The following BMAL2 variants were observed in gnomAD, a reference collection of about 807,000 sequenced individuals.
The protein encoded by BMAL2 is basic helix-loop-helix ARNT-like protein 2.
chr12:27,408,276 C>A, the BMAL2 span, among the ~76,000 whole-genome samples: 24 of 152,154 alleles, frequency 1.6e-4, no homozygotes, highest in African/African-American at 5.8e-4. Context: ...CATAGCCTGG[C>A]AGAGACACAA....
At chr12:27,378,566 C>G in the BMAL2 span, among the ~76,000 whole-genome samples, 1 of 152,080 alleles carries the variant, frequency 6.6e-6, no homozygotes. Flanking sequence ...TTGGAGCTGT[C>G]GGGGAAAGTC....
chr12:27,362,943 A>C, the BMAL2 span, among the ~76,000 whole-genome samples: 2 of 152,062 alleles, frequency 1.3e-5, no homozygotes, highest in Non-Finnish European at 2.9e-5. Flanking sequence ...AGCTAAGACT[A>C]TATGTGCACA....
At chr12:27,408,018 A>C in the BMAL2 span, among the ~76,000 whole-genome samples, 9 of 150,430 alleles carry the variant, frequency 6.0e-5, no homozygotes, top group African/African-American at 2.3e-4. Context: ...TTCCTGACAC[A>C]TACAGCCTCC....
chr12:27,396,683 G>T, the BMAL2 span, among the ~76,000 whole-genome samples: 1 of 152,230 alleles, frequency 6.6e-6, no homozygotes, highest in Non-Finnish European at 1.5e-5. Context: ...CTTGCACTCA[G>T]AGGCAAATAT....
the BMAL2 span, among the ~76,000 whole-genome samples, chr12:27,404,044 C>A: frequency 6.6e-6 from 1 of 151,462 alleles, no homozygotes; most frequent in Non-Finnish European, 1.5e-5. Flanking sequence ...CGCCTATAGT[C>A]CCAGCTACTT....
the BMAL2 span, among the ~76,000 whole-genome samples, chr12:27,395,801 C>T: frequency 6.6e-6 from 1 of 152,166 alleles, no homozygotes; most frequent in Non-Finnish European, 1.5e-5. Context: ...ACTAAAGGAA[C>T]AAATACATTT....
chr12:27,411,133 T>C, the BMAL2 span, among the ~76,000 whole-genome samples: 139 of 152,258 alleles, frequency 9.1e-4, no homozygotes, highest in African/African-American at 3.2e-3. Flanking sequence ...TGTGTTTTTT[T>C]AAATTTTCTT....
chr12:27,407,460 C>T, the BMAL2 span, among the ~76,000 whole-genome samples: 2 of 152,140 alleles, frequency 1.3e-5, no homozygotes, highest in African/African-American at 4.8e-5. Context: ...CACTCAACTA[C>T]ATGGAAACTG....
At chr12:27,389,624 T>A in the BMAL2 span, among the ~76,000 whole-genome samples, 1 of 152,194 alleles carries the variant, frequency 6.6e-6, no homozygotes, top group African/African-American at 2.4e-5. Flanking sequence ...ATTATTTAGC[T>A]ATATGCTAAA....
chr12:27,350,525 C>T, the BMAL2 span, among the ~76,000 whole-genome samples: 1 of 152,270 alleles, frequency 6.6e-6, no homozygotes, highest in East Asian at 1.9e-4. Flanking sequence ...GTATCTTTAG[C>T]AACACAAAGT....
At chr12:27,413,657 G>C in the BMAL2 span, among the ~76,000 whole-genome samples, 2 of 152,162 alleles carry the variant, frequency 1.3e-5, no homozygotes, top group Non-Finnish European at 2.9e-5. Flanking sequence ...TTTACTATCA[G>C]TAATTACATA....
chr12:27,379,235 C>A, the BMAL2 span, among the ~76,000 whole-genome samples: 4 of 152,062 alleles, frequency 2.6e-5, no homozygotes, highest in South Asian at 8.3e-4. Context: ...GGGGGTACAT[C>A]GCAGAGAATG....
At chr12:27,414,722 A>G in the BMAL2 span, among the ~76,000 whole-genome samples, 1 of 152,206 alleles carries the variant, frequency 6.6e-6, no homozygotes, top group Non-Finnish European at 1.5e-5. Context: ...TTACACCTCC[A>G]GAAACTAGAA....
At chr12:27,348,641 A>G in the BMAL2 span, among the ~76,000 whole-genome samples, 1 of 152,178 alleles carries the variant, frequency 6.6e-6, no homozygotes, top group African/African-American at 2.4e-5. Flanking sequence ...CTTTACATTT[A>G]GCTCATTCAT....
chr12:27,354,557 C>T, the BMAL2 span, among the ~76,000 whole-genome samples: 1 of 152,078 alleles, frequency 6.6e-6, no homozygotes, highest in Non-Finnish European at 1.5e-5. Flanking sequence ...GCACATATAT[C>T]CCTTAAACCT....
chr12:27,420,019 G>GCGCGCGCACACACACACACACACA, the BMAL2 span, among the ~76,000 whole-genome samples: 2 of 147,570 alleles, frequency 1.4e-5, no homozygotes, highest in African/African-American at 2.5e-5. Flanking sequence ...GTTTGCGCGT[G>GCGCGCGCACACACACACACACACA]CACACACACA....
the BMAL2 span, among the ~76,000 whole-genome samples, chr12:27,382,989 CCA>C: frequency 6.6e-6 from 1 of 152,218 alleles, no homozygotes; most frequent in Non-Finnish European, 1.5e-5. Context: ...CTTGATCTCA[CCA>C]CAGTTTGCTG....
the BMAL2 span, among the ~76,000 whole-genome samples, chr12:27,354,397 A>G: frequency 1.3e-5 from 2 of 152,172 alleles, no homozygotes; most frequent in African/African-American, 4.8e-5. Flanking sequence ...AAGAGGAACA[A>G]TAGACATCGG....
chr12:27,399,709 C>T, the BMAL2 span, among the ~76,000 whole-genome samples: 2 of 152,156 alleles, frequency 1.3e-5, no homozygotes, highest in Non-Finnish European at 2.9e-5. Context: ...CTAATCTTTT[C>T]TAAATCTTAT....
Sources: gnomAD v4.1 joint callset for allele counts (sites outside exome capture counted in the v4.1 genomes callset) on GRCh38, gnomAD v4.1.1 for gene constraint, MANE v1.5 for transcripts, NCBI Gene and HGNC (gene_info 2026-07-23, HGNC 2026-07-21) for gene names.